NKAIN2: variants seen among roughly 807,000 people sequenced by gnomAD.
The protein encoded by NKAIN2 is sodium/potassium transporting ATPase interacting 2, also known as sodium/potassium-transporting ATPase subunit beta-1-interacting protein 2.
In NKAIN2, 14 loss-of-function variants were observed where a neutral mutation model predicts 32.6. The observed-to-expected ratio is 0.43, with a 90% CI of 0.28 to 0.67. The LOEUF is 0.67. Among genes scored for constraint, NKAIN2 ranks in the 30% least tolerant of loss-of-function variants. The pLI is 0.17. For synonymous variants in NKAIN2, 80 were observed against 87.2 expected (o/e 0.92, Z 0.46); for missense variants, 198 against 258.3 (o/e 0.77, Z 1.60).
intron 2 of NKAIN2, among the ~76,000 whole-genome samples, chr6:124,298,396 C>T (rs1304789543): frequency 1.3e-5 from 2 of 151,988 alleles, no homozygotes; most frequent in Admixed American, 6.6e-5. Context: ...TTTTTCAAAC[C>T]TTACTTGTTG....
intron 3 of NKAIN2, among the ~76,000 whole-genome samples, chr6:124,427,844 C>T (rs1363386346): frequency 1.3e-5 from 2 of 152,146 alleles, no homozygotes; most frequent in East Asian, 1.9e-4. Context: ...GGAAATAGGT[C>T]GTTCGGGGCT....
chr6:124,126,174 C>T (rs184736295), intron 1 of NKAIN2, among the ~76,000 whole-genome samples: 1 of 152,078 alleles, frequency 6.6e-6, no homozygotes, highest in Non-Finnish European at 1.5e-5. Context: ...GCCTAATTTC[C>T]ACCCACAATA....
chr6:124,749,235 C>G (rs1777597852), intron 4 of NKAIN2, among the ~76,000 whole-genome samples: 2 of 151,656 alleles, frequency 1.3e-5, no homozygotes, highest in Non-Finnish European at 2.9e-5. Context: ...CATGATGAAT[C>G]TCTCTGACCC....
At chr6:124,529,652 GA>G (rs1779448384) in intron 3 of NKAIN2, among the ~76,000 whole-genome samples, 1 of 152,144 alleles carries the variant, frequency 6.6e-6, no homozygotes, top group Non-Finnish European at 1.5e-5. Flanking sequence ...AGGCTTAGGA[GA>G]AGGTGGTTCC....
At chr6:124,583,029 A>C (rs1245011208) in intron 3 of NKAIN2, among the ~76,000 whole-genome samples, 1 of 152,142 alleles carries the variant, frequency 6.6e-6, no homozygotes, top group Non-Finnish European at 1.5e-5. Context: ...AATGGGGAAA[A>C]ACCAAAATCC....
chr6:124,636,429 A>G (rs540381333), intron 3 of NKAIN2, among the ~76,000 whole-genome samples: 1 of 152,086 alleles, frequency 6.6e-6, no homozygotes, highest in Admixed American at 6.5e-5. Flanking sequence ...TCAGAACAGA[A>G]CTAAATGAAA....
At chr6:124,002,245 G>A (rs1213402556) in intron 1 of NKAIN2, among the ~76,000 whole-genome samples, 1 of 152,024 alleles carries the variant, frequency 6.6e-6, no homozygotes, top group African/African-American at 2.4e-5. Context: ...GATATTATCA[G>A]ACATTCTCAG....
At chr6:123,849,803 C>T (rs1249638619) in intron 1 of NKAIN2, among the ~76,000 whole-genome samples, 1 of 151,986 alleles carries the variant, frequency 6.6e-6, no homozygotes, top group Non-Finnish European at 1.5e-5. Flanking sequence ...ATATGTATCC[C>T]TAATTCTTAT....
At chr6:124,662,047 G>C (rs1017243846) in intron 4 of NKAIN2, among the ~76,000 whole-genome samples, 4 of 152,148 alleles carry the variant, frequency 2.6e-5, no homozygotes, top group African/African-American at 9.7e-5. Context: ...TGAACATGCT[G>C]TCATAGCAAG....
Position 123,827,425 on chromosome 6 carries a change from A to G in NKAIN2, c.54+23171A>G, listed in dbSNP as rs1582603678. On this transcript the variant is annotated intron_variant, in intron 1 of 6. Transcript: ENST00000368417. Reference sequence around the variant, plus strand: ...TTAGGCTTCTTCTGGACTATTTCTTATACATGTACCACATGAAAAAATTGA... The same window carrying G: ...TTAGGCTTCTTCTGGACTATTTCTTGTACATGTACCACATGAAAAAATTGA... Among the ~76,000 whole-genome samples, 3 of 152,236 alleles carry G rather than the reference A, an allele frequency of 2.0e-5. No homozygotes were observed. The South Asian group carries it at 6.2e-4, about 32-fold the overall frequency.
intron 3 of NKAIN2, among the ~76,000 whole-genome samples, chr6:124,458,449 A>G (rs1332246859): frequency 6.6e-6 from 1 of 151,308 alleles, no homozygotes; most frequent in Non-Finnish European, 1.5e-5. Context: ...TGTAGGCTAC[A>G]GCTCTCTCTC....
chr6:124,517,110 A>G (rs555036342), intron 3 of NKAIN2, among the ~76,000 whole-genome samples: 62 of 152,254 alleles, frequency 4.1e-4, no homozygotes, highest in African/African-American at 1.4e-3. Flanking sequence ...TTTTCACATT[A>G]TATTTTCTTG....
chr6:123,991,960 C>A (rs1582895538), intron 1 of NKAIN2, among the ~76,000 whole-genome samples: 2 of 151,378 alleles, frequency 1.3e-5, no homozygotes, highest in South Asian at 4.2e-4. Flanking sequence ...TATAGGTTGG[C>A]TAGGTTAAAA....
chr6:124,063,211 A>T (rs1208842106), intron 1 of NKAIN2, among the ~76,000 whole-genome samples: 2 of 151,856 alleles, frequency 1.3e-5, no homozygotes, highest in Non-Finnish European at 2.9e-5. Flanking sequence ...ATATATATCT[A>T]TCTGGTATTA....
At chr6:124,044,579 T>A (rs900450404) in intron 1 of NKAIN2, among the ~76,000 whole-genome samples, 6 of 152,214 alleles carry the variant, frequency 3.9e-5, no homozygotes, top group Middle Eastern at 3.4e-3. Flanking sequence ...CTCATGGTTG[T>A]GTCTGATGCA....
At chr6:124,385,691 A>G (rs1772867446) in intron 3 of NKAIN2, among the ~76,000 whole-genome samples, 2 of 152,046 alleles carry the variant, frequency 1.3e-5, no homozygotes, top group African/African-American at 2.4e-5. Context: ...CACCTTACCT[A>G]TAGGTGAACA....
At chr6:124,048,024 A>T (rs1389572757) in intron 1 of NKAIN2, among the ~76,000 whole-genome samples, 1 of 151,948 alleles carries the variant, frequency 6.6e-6, no homozygotes, top group Non-Finnish European at 1.5e-5. Flanking sequence ...ATCAGTTATC[A>T]ATTATATTAT....
chr6:123,949,200 G>A (rs1777213558), intron 1 of NKAIN2, among the ~76,000 whole-genome samples: 2 of 151,890 alleles, frequency 1.3e-5, no homozygotes, highest in Admixed American at 6.6e-5. Context: ...AAAGATGCAG[G>A]CATCATACTA....
intron 1 of NKAIN2, among the ~76,000 whole-genome samples, chr6:123,971,506 G>A (rs1332861240): frequency 6.6e-6 from 1 of 152,086 alleles, no homozygotes; most frequent in Middle Eastern, 3.2e-3. Flanking sequence ...CAATCTCTTT[G>A]TGTCAGTTTG....
Sources: allele counts gnomAD v4.1 joint callset (sites outside exome capture counted in the v4.1 genomes callset), GRCh38; gene constraint gnomAD v4.1.1; transcripts MANE v1.5; gene names NCBI Gene and HGNC (gene_info 2026-07-23, HGNC 2026-07-21).